The following SKAP1 variants were observed in gnomAD, a reference collection of about 807,000 sequenced individuals.
The protein encoded by SKAP1 is src kinase-associated phosphoprotein 1.
In SKAP1, 44 loss-of-function variants were observed where a neutral mutation model predicts 58.5. The ratio of observed to expected loss-of-function variants is 0.75; its 90% CI spans 0.59 to 0.97. SKAP1 has a LOEUF of 0.97. SKAP1 is among the 50% of genes least tolerant of loss of function. The pLI is 0.00. For missense variants in SKAP1, 390 were observed against 435.2 expected (o/e 0.90, Z 0.92); for synonymous variants, 127 against 149.7 (o/e 0.85, Z 1.11).
intron 9 of SKAP1, among the ~76,000 whole-genome samples, chr17:48,173,177 C>A (rs1305361839): frequency 8.2e-6 from 1 of 122,482 alleles, no homozygotes; most frequent in African/African-American, 2.7e-5. Flanking sequence ...CAGAGCGAGA[C>A]CTTGTCTCTA....
At chr17:48,339,458 C>T (rs573988801) in intron 4 of SKAP1, among the ~76,000 whole-genome samples, 2 of 152,030 alleles carry the variant, frequency 1.3e-5, no homozygotes, top group Admixed American at 6.6e-5. Context: ...AAAATACACA[C>T]GAAGAAAGTT....
At chr17:48,241,099 A>G (rs2065239611) in intron 4 of SKAP1, among the ~76,000 whole-genome samples, 1 of 151,742 alleles carries the variant, frequency 6.6e-6, no homozygotes, top group Non-Finnish European at 1.5e-5. Context: ...TTGTGCCCTA[A>G]TCACTCTGGG....
chr17:48,315,271 G>C (rs2066273303), intron 4 of SKAP1, among the ~76,000 whole-genome samples: 1 of 152,170 alleles, frequency 6.6e-6, no homozygotes, highest in Non-Finnish European at 1.5e-5. Flanking sequence ...CTCTGGGGTT[G>C]AGCATGCTCT....
intron 4 of SKAP1, among the ~76,000 whole-genome samples, chr17:48,274,268 G>C (rs2065670784): frequency 1.3e-5 from 2 of 151,650 alleles, no homozygotes; most frequent in Non-Finnish European, 2.9e-5. Flanking sequence ...TGGTGGCACG[G>C]GCCCGTAGTC....
At position 48,418,301 on chromosome 17, in the gene SKAP1, A is replaced by C. The variant is rs146085669; in HGVS notation, c.46+11774T>G. Among the ~76,000 whole-genome samples the C allele has an allele frequency of 3.9e-5, 6 of 152,298 alleles. No homozygotes were observed. In the East Asian group the frequency reaches 1.2e-3, roughly 29 times the overall value. ...TGAGAACTTGTCTCTAAAAAACCCC[A>C]AGAAACAAACAACCACCCCACCAAA... is the stretch of plus-strand genomic sequence containing the variant. On this transcript the variant is annotated intron_variant, in intron 1 of 12. Coordinates refer to ENST00000336915, the MANE Select transcript of SKAP1 (RefSeq NM_003726.4).
chr17:48,335,187 C>T (rs2066553171), intron 4 of SKAP1, among the ~76,000 whole-genome samples: 1 of 151,736 alleles, frequency 6.6e-6, no homozygotes, highest in African/African-American at 2.4e-5. Context: ...TCCTAGAGTT[C>T]CCAGAATAAC....
At chr17:48,251,507 C>A (rs2065363149) in intron 4 of SKAP1, among the ~76,000 whole-genome samples, 1 of 152,156 alleles carries the variant, frequency 6.6e-6, no homozygotes, top group South Asian at 2.1e-4. Flanking sequence ...TTAAAAAGAA[C>A]TTTAATACAG....
At chr17:48,159,318 T>C (rs1050454122) in intron 11 of SKAP1, among the ~76,000 whole-genome samples, 2 of 152,198 alleles carry the variant, frequency 1.3e-5, no homozygotes, top group Non-Finnish European at 2.9e-5. Context: ...GATTCTTAGA[T>C]GCTATCCAAC....
chr17:48,306,009 T>C (rs867551422), intron 4 of SKAP1, among the ~76,000 whole-genome samples: 1 of 152,176 alleles, frequency 6.6e-6, no homozygotes, highest in East Asian at 1.9e-4. Flanking sequence ...CAAAGACAAG[T>C]TGTGGAACAT....
chr17:48,433,209 C>A (rs750084217), upstream of SKAP1, among the ~76,000 whole-genome samples: 50 of 152,130 alleles, frequency 3.3e-4, 1 homozygote, highest in Non-Finnish European at 6.2e-4. Flanking sequence ...AATCCAATTT[C>A]GCAGGAAGCC....
intron 4 of SKAP1, among the ~76,000 whole-genome samples, chr17:48,216,631 A>G (rs2064942871): frequency 6.6e-6 from 1 of 151,980 alleles, no homozygotes; most frequent in Admixed American, 6.6e-5. Flanking sequence ...AGCTGCGACT[A>G]CAGGTGCACA....
chr17:48,135,891 T>C (rs999042737), intron 12 of SKAP1, among the ~76,000 whole-genome samples: 10 of 152,232 alleles, frequency 6.6e-5, no homozygotes, highest in Non-Finnish European at 1.5e-4. Context: ...TCAGTCATAT[T>C]GCAATATGTG....
chr17:48,228,172 T>TGA (rs749675051), intron 4 of SKAP1, among the ~76,000 whole-genome samples: 2 of 150,720 alleles, frequency 1.3e-5, no homozygotes, highest in African/African-American at 4.9e-5. Context: ...AGGGTGTGTG[T>TGA]GAGAGAGAGA....
intron 11 of SKAP1, among the ~76,000 whole-genome samples, chr17:48,158,436 CG>C (rs2064016534): frequency 6.8e-6 from 1 of 147,280 alleles, no homozygotes; most frequent in Non-Finnish European, 1.5e-5. Flanking sequence ...GGCATGGTGG[CG>C]GGTGCCTGTA....
chr17:48,206,352 A>G (rs1173870595), intron 4 of SKAP1, among the ~76,000 whole-genome samples: 1 of 152,100 alleles, frequency 6.6e-6, no homozygotes, highest in Non-Finnish European at 1.5e-5. Flanking sequence ...CTCCCTGGCT[A>G]TGCTACCCTC....
chr17:48,290,147 A>G (rs972824959), intron 4 of SKAP1, among the ~76,000 whole-genome samples: 1 of 152,212 alleles, frequency 6.6e-6, no homozygotes, highest in African/African-American at 2.4e-5. Flanking sequence ...AAAGTCCACT[A>G]AATCTACTAT....
intron 4 of SKAP1, among the ~76,000 whole-genome samples, chr17:48,274,164 A>G (rs960692770): frequency 7.9e-5 from 12 of 151,894 alleles, no homozygotes; most frequent in Non-Finnish European, 1.5e-4. Flanking sequence ...CGAGGTGAGC[A>G]GATCACTTAA....
intron 1 of SKAP1, among the ~76,000 whole-genome samples, chr17:48,403,110 T>A (rs939529172): frequency 2.8e-4 from 43 of 150,972 alleles, no homozygotes; most frequent in Non-Finnish European, 6.3e-4. Context: ...ATACCTGTAA[T>A]CTCAGCATTT....
chr17:48,179,219 A>G (rs577508862), intron 9 of SKAP1, among the ~76,000 whole-genome samples: 1 of 152,328 alleles, frequency 6.6e-6, no homozygotes, highest in Admixed American at 6.5e-5. Flanking sequence ...TCAGCAGAGC[A>G]CTGAACTCCT....
Sources: gnomAD v4.1 joint callset for allele counts (sites outside exome capture counted in the v4.1 genomes callset) on GRCh38, gnomAD v4.1.1 for gene constraint, MANE v1.5 for transcripts, NCBI Gene and HGNC (gene_info 2026-07-23, HGNC 2026-07-21) for gene names.